UBE3C: variants seen among roughly 807,000 people sequenced by gnomAD.
UBE3C encodes ubiquitin-protein ligase E3C.
Under a neutral mutation model 129.4 loss-of-function variants are expected in UBE3C, and 42 were observed. That is an observed-to-expected ratio of 0.32 (90% CI 0.25 to 0.42). The LOEUF is 0.42. Ranked by LOEUF, UBE3C falls within the 10% of genes least tolerant of loss-of-function variation. The probability of loss-of-function intolerance (pLI) is 1.00; values close to 1 mark genes in which losing one functional copy is unlikely to be tolerated. For missense variants in UBE3C, 1,049 were observed against 1,319.1 expected (o/e 0.80, Z 3.17); for synonymous variants, 510 against 492.4 (o/e 1.04, Z -0.47).
At chr7:157,247,922 G>A (rs1021391003) in intron 18 of UBE3C, among the ~76,000 whole-genome samples, 5 of 151,822 alleles carry the variant, frequency 3.3e-5, no homozygotes, top group Admixed American at 2.6e-4. Flanking sequence ...CAATAGCTGC[G>A]AGGCCTTGTT....
intron 9 of UBE3C, among the ~76,000 whole-genome samples, chr7:157,185,843 C>G (rs897716131): frequency 2.6e-5 from 4 of 152,090 alleles, no homozygotes; most frequent in African/African-American, 9.7e-5. Context: ...GATGAATTTA[C>G]TGCTTTTATC....
chr7:157,258,115 C>T (rs1487467982), intron 22 of UBE3C, among the ~76,000 whole-genome samples: 1 of 151,792 alleles, frequency 6.6e-6, no homozygotes, highest in Non-Finnish European at 1.5e-5. Context: ...GCCTGGCTGA[C>T]ATTTTGATTT....
intron 4 of UBE3C, 115 bp downstream of exon 4, chr7:157,170,565 T>C (rs1446681166): frequency 8.6e-7 from 1 of 1,159,620 alleles, no homozygotes. Flanking sequence ...CATCCAGGCT[T>C]TGCAAACTTC....
At chr7:157,243,951 G>C (rs1393206664) in intron 18 of UBE3C, among the ~76,000 whole-genome samples, 2 of 152,142 alleles carry the variant, frequency 1.3e-5, no homozygotes, top group Admixed American at 1.3e-4. Context: ...GAGGTATGTT[G>C]CCAGGCGCGG....
chr7:157,160,768 G>A (rs1808047820), intron 1 of UBE3C, among the ~76,000 whole-genome samples: 1 of 152,134 alleles, frequency 6.6e-6, no homozygotes, highest in Admixed American at 6.5e-5. Context: ...AGTAGATCTT[G>A]TCTGCAGTGT....
chr7:157,165,899 T>C (rs959553980), intron 2 of UBE3C, among the ~76,000 whole-genome samples: 6 of 152,244 alleles, frequency 3.9e-5, no homozygotes, highest in African/African-American at 1.2e-4. Flanking sequence ...TGATTTTTAA[T>C]CTGATGGGGT....
intron 7 of UBE3C, 41 bp downstream of exon 7, chr7:157,181,712 G>T: frequency 6.3e-7 from 1 of 1,595,126 alleles, no homozygotes; most frequent in Non-Finnish European, 8.5e-7. Flanking sequence ...CCTTTCACAA[G>T]ATCTATATCT....
rs1808736632 is a variant in UBE3C at position 157,183,903 on chromosome 7, G to A, written c.1017G>A (p.Leu339=). The A allele has an allele frequency of 6.2e-7, 1 of 1,613,980 alleles. No homozygotes were observed. The highest frequency in any genetic ancestry group is 1.3e-5 in the African/African-American group (1 of 74,912). The change falls in exon 9 of 23, where the codon CTG becomes CTA. Residue 339 remains leucine, a synonymous_variant. Coordinates refer to ENST00000348165, the MANE Select transcript of UBE3C (RefSeq NM_014671.3). ...YLGALSEEGL[L]VYLRVLQTFL... is the part of the protein sequence containing the mutation. Reference sequence around the variant, plus strand: ...GGGCCCTCTCTGAGGAAGGGCTGCTGGTGTATTTGCGGGTGCTGCAGACCT... The same window carrying A: ...GGGCCCTCTCTGAGGAAGGGCTGCTAGTGTATTTGCGGGTGCTGCAGACCT...
chr7:157,197,806 C>T (rs893026737), intron 10 of UBE3C: 5 of 1,613,182 alleles, frequency 3.1e-6, no homozygotes, highest in Non-Finnish European at 3.4e-6. Context: ...CTCCCATCTG[C>T]TAACCTGATT....
chr7:157,233,716 A>G (rs1170916907), intron 18 of UBE3C, among the ~76,000 whole-genome samples: 2 of 152,232 alleles, frequency 1.3e-5, no homozygotes, highest in Admixed American at 1.3e-4. Flanking sequence ...TTATTTGGAC[A>G]TAGGTTTTTT....
chr7:157,207,347 T>A, intron 11 of UBE3C, 51 bp from the exon 12 acceptor site: 1 of 1,578,804 alleles, frequency 6.3e-7, no homozygotes, highest in Non-Finnish European at 8.5e-7. Flanking sequence ...GTTCCCAAAC[T>A]AAGACTAATT....
chr7:157,189,046 A>T lies in UBE3C; in HGVS notation c.1331+2025A>T, dbSNP rs569712466. 9.1e-6 allele frequency: 4 copies of T among 441,004 alleles called. No individual in the cohort carries two copies. In the South Asian group the frequency reaches 2.9e-4, roughly 31 times the overall value. 27.3% of individuals were successfully genotyped at this position (441,004 alleles called of 1,614,324 possible). Reference sequence around the variant, plus strand: ...ACCGGGAAGACACAGGACAGTATGTAGAAGAACCGGCTTTTCCTATAAGAA... The same window carrying T: ...ACCGGGAAGACACAGGACAGTATGTTGAAGAACCGGCTTTTCCTATAAGAA... On this transcript the variant is annotated intron_variant, in intron 10 of 22. Transcript: ENST00000348165.
chr7:157,176,329 C>T (rs1432013104), intron 5 of UBE3C, among the ~76,000 whole-genome samples: 2 of 152,166 alleles, frequency 1.3e-5, no homozygotes, highest in Admixed American at 1.3e-4. Flanking sequence ...GGCTGGAATG[C>T]AGTGGCGTGA....
At chr7:157,188,906 GT>G (rs765500637) in intron 10 of UBE3C, 3 of 641,894 alleles carry the variant, frequency 4.7e-6, no homozygotes, top group African/African-American at 1.8e-5. Context: ...TATTTTCAGA[GT>G]TAGGATTTGC....
intron 18 of UBE3C, among the ~76,000 whole-genome samples, chr7:157,239,184 C>T (rs1224000259): frequency 2.0e-5 from 3 of 152,116 alleles, no homozygotes; most frequent in African/African-American, 7.2e-5. Flanking sequence ...TGTATAGCCC[C>T]TAAACTGGAA....
chr7:157,185,689 T>G lies in UBE3C; in HGVS notation c.1144-1145T>G, dbSNP rs141098691. The stretch of plus-strand genomic sequence containing the variant: ...TTCACCCTTGATAAGCTCTTTTGCC[T>G]TTAGGTTTCTGTATAATCTGTTCAC... On this transcript the variant is annotated intron_variant, in intron 9 of 22. Transcript: ENST00000348165. Among the ~76,000 whole-genome samples the G allele has an allele frequency of 1.9e-3, 295 of 152,300 alleles. 3 individuals carry two copies. The highest frequency in any genetic ancestry group is 6.5e-3 in the African/African-American group (270 of 41,580).
intron 2 of UBE3C, among the ~76,000 whole-genome samples, chr7:157,167,242 T>C (rs887148689): frequency 1.3e-5 from 2 of 152,104 alleles, no homozygotes; most frequent in Admixed American, 1.3e-4. Flanking sequence ...CACAGGATTT[T>C]TTTATAACCA....
rs375693521 is a variant in UBE3C at position 157,184,048 on chromosome 7, A to G, written c.1143+19A>G. ...AAGCCCGGTAAGCCCCGTGCCCTGC[A>G]TCTGGGGGGCTGCGATGCAGGCAGC... On this transcript the variant is annotated intron_variant, in intron 9 of 22. Transcript: ENST00000348165. 1.6e-5 allele frequency: 25 copies of G among 1,610,086 alleles called. No individual in the cohort carries two copies. The South Asian group carries it at 2.6e-4, about 17-fold the overall frequency.
chr7:157,178,617 T>G, intron 5 of UBE3C, 73 bp from the exon 6 acceptor site: 36 of 1,486,368 alleles, frequency 2.4e-5, no homozygotes, highest in Non-Finnish European at 3.1e-5. Context: ...CCATTGTCAC[T>G]GAGAGTAACT....
Sources: allele counts gnomAD v4.1 joint callset (sites outside exome capture counted in the v4.1 genomes callset), GRCh38; gene constraint gnomAD v4.1.1; transcripts MANE v1.5; gene names NCBI Gene and HGNC (gene_info 2026-07-23, HGNC 2026-07-21).